ITGB2: variants seen among roughly 807,000 people sequenced by gnomAD.
The protein encoded by ITGB2 is integrin beta-2.
In ITGB2, 56 loss-of-function variants were observed where a neutral mutation model predicts 86.8. The observed-to-expected ratio is 0.65, with a 90% CI of 0.52 to 0.81. The LOEUF is 0.81. ITGB2 is among the 30% of genes least tolerant of loss of function. The pLI is 0.00. For missense variants in ITGB2, 948 were observed against 1,061.2 expected, an observed-to-expected ratio of 0.89 and a Z score of 1.48; for synonymous variants, 457 against 450.4, an observed-to-expected ratio of 1.01 and a Z score of -0.19.
intron 5 of ITGB2, among the ~76,000 whole-genome samples, chr21:44,902,312 T>C (rs1568894071): frequency 6.6e-6 from 1 of 152,270 alleles, no homozygotes; most frequent in Non-Finnish European, 1.5e-5. Flanking sequence ...TGTGTGCATG[T>C]GTGTGCACAT....
chr21:44,899,081 C>G lies in ITGB2; in HGVS notation c.979G>C (p.Val327Leu), dbSNP rs753051803. The G allele has an allele frequency of 3.7e-6, 6 of 1,613,892 alleles. No individual in the cohort carries two copies. The highest frequency in any genetic ancestry group is 4.2e-6 in the Non-Finnish European group (5 of 1,179,744). ...QPIFAVTSRM[V>L]KTYEKLTEII... ...ACAGCACTCACCTCGTAGGTCTTCA[C>G]CATCCTACTGGTCACCGCGAAGATG... The change falls in exon 8 of 16, where the codon GTG (valine) becomes CTG (leucine). Residue 327 changes from valine to leucine, a missense_variant. Val to Leu is a conservative substitution (Grantham distance 32, BLOSUM62 1). Transcript: ENST00000652462.
At chr21:44,905,293 G>C (rs980476274) in intron 4 of ITGB2, among the ~76,000 whole-genome samples, 1 of 152,036 alleles carries the variant, frequency 6.6e-6, no homozygotes, top group African/African-American at 2.4e-5. Flanking sequence ...TCTCTCCCTG[G>C]TGCTCACCCG....
chr21:44,899,254 G>A, intron 7 of ITGB2, 92 bp from the exon 8 acceptor site: 1 of 982,706 alleles, frequency 1.0e-6, no homozygotes, highest in Non-Finnish European at 1.6e-6. Context: ...CGTCAGCCCT[G>A]CCCGTGCTTC....
intron 1 of ITGB2, among the ~76,000 whole-genome samples, chr21:44,912,227 G>A (rs546075420): frequency 6.6e-6 from 1 of 152,306 alleles, no homozygotes; most frequent in African/African-American, 2.4e-5. Context: ...ACCCAAGCCA[G>A]CAGAGCCCCA....
intron 1 of ITGB2, among the ~76,000 whole-genome samples, chr21:44,914,448 C>T (rs1353226265): frequency 6.6e-6 from 1 of 152,222 alleles, no homozygotes; most frequent in Non-Finnish European, 1.5e-5. Flanking sequence ...GGGCCGGGCG[C>T]CCTTCCCTCC....
chr21:44,925,375 A>G (rs538164115), upstream of ITGB2, among the ~76,000 whole-genome samples: 61 of 143,972 alleles, frequency 4.2e-4, no homozygotes, highest in East Asian at 6.0e-3. Context: ...GTGACAGAGT[A>G]AGATCCTGTC....
At chr21:44,910,531 G>T (rs1440981741) in intron 2 of ITGB2, 159 bp from the exon 3 acceptor site, 42 of 1,484,068 alleles carry the variant, frequency 2.8e-5, no homozygotes, top group Non-Finnish European at 3.3e-5. Context: ...GCAAAGAGGG[G>T]CCCTCGGGAA....
intron 1 of ITGB2, among the ~76,000 whole-genome samples, chr21:44,913,548 G>C (rs1345470744): frequency 1.3e-5 from 2 of 152,182 alleles, no homozygotes; most frequent in Admixed American, 6.5e-5. Context: ...GAGCAGCCCT[G>C]GGGGGCTTGG....
intron 3 of ITGB2, chr21:44,908,109 A>G: frequency 1.4e-6 from 1 of 723,472 alleles, no homozygotes; most frequent in South Asian, 1.5e-5. Context: ...CCGAGGACAG[A>G]CGGGAGCCAC....
At chr21:44,906,439 A>T (rs939900847) in intron 4 of ITGB2, among the ~76,000 whole-genome samples, 2 of 152,112 alleles carry the variant, frequency 1.3e-5, no homozygotes, top group Non-Finnish European at 2.9e-5. Context: ...CAAAGCACTG[A>T]CAGGGGACTG....
At chr21:44,891,759 TGTGGGG>T (rs771307306) in intron 11 of ITGB2, 44 bp downstream of exon 11, 1 of 1,587,248 alleles carries the variant, frequency 6.3e-7, no homozygotes, top group African/African-American at 1.3e-5. Flanking sequence ...ACACCTGCCC[TGTGGGG>T]TGGGGCTCGG....
chr21:44,924,477 T>G (rs1369392851), upstream of ITGB2, among the ~76,000 whole-genome samples: 1 of 151,954 alleles, frequency 6.6e-6, no homozygotes, highest in African/African-American at 2.4e-5. Flanking sequence ...CAAATAGAAA[T>G]GCAAATTTGG....
intron 11 of ITGB2, among the ~76,000 whole-genome samples, chr21:44,891,155 G>A (rs551887610): frequency 3.3e-5 from 5 of 152,346 alleles, no homozygotes; most frequent in Admixed American, 3.3e-4. Flanking sequence ...AGCAAGGAAA[G>A]GGGGACAGCC....
At chr21:44,924,455 A>C (rs1568915128), upstream of ITGB2, among the ~76,000 whole-genome samples, 1 of 152,112 alleles carries the variant, frequency 6.6e-6, no homozygotes, top group African/African-American at 2.4e-5. Flanking sequence ...CAACAAACAA[A>C]CAAGAAAAAA....
rs146486454 is a variant in ITGB2 at position 44,901,401 on chromosome 21, G to A, written c.741+91C>T. 2,126 of 1,506,240 alleles carry A rather than the reference G, an allele frequency of 1.4e-3. 29 individuals carry two copies. The African/African-American group carries it at 0.025, about 18-fold the overall frequency. The allele number at this position is 1,506,240 out of a possible 1,614,324, so 93.3% of individuals were successfully genotyped here. A position where few individuals can be genotyped will look rare whatever the true frequency, so the allele number is the denominator to read the frequency against. ...GCTGGAGTCCCTCAGACGACCTGCC[G>A]GCCAGGGTACCCCCCTGCCCCCACA... On this transcript the variant is annotated intron_variant, in intron 6 of 15. Coordinates refer to ENST00000652462, the MANE Select transcript of ITGB2 (RefSeq NM_000211.5).
chr21:44,908,035 G>A (rs1405384850), intron 3 of ITGB2: 1 of 717,206 alleles, frequency 1.4e-6, no homozygotes, highest in African/African-American at 1.7e-5. Flanking sequence ...CTCCAGAAAG[G>A]GGAGGGAAAA....
intron 8 of ITGB2, 107 bp from the exon 9 acceptor site, chr21:44,895,167 G>C (rs911502697): frequency 1.2e-6 from 1 of 816,450 alleles, no homozygotes; most frequent in Admixed American, 1.8e-5. Flanking sequence ...TGGCTGGGAC[G>C]GTCCTCAACG....
chr21:44,918,003 C>CAA (rs1303439375), intron 1 of ITGB2, among the ~76,000 whole-genome samples: 1 of 152,232 alleles, frequency 6.6e-6, no homozygotes, highest in East Asian at 1.9e-4. Context: ...ACCACCTAAT[C>CAA]AATGCCCCGT....
At chr21:44,908,546 C>T (rs1200514280) in intron 3 of ITGB2, among the ~76,000 whole-genome samples, 1 of 152,148 alleles carries the variant, frequency 6.6e-6, no homozygotes, top group Non-Finnish European at 1.5e-5. Flanking sequence ...CACACTTGCT[C>T]TATCTATCAC....
Sources: allele counts gnomAD v4.1 joint callset (sites outside exome capture counted in the v4.1 genomes callset), GRCh38; gene constraint gnomAD v4.1.1; transcripts MANE v1.5; gene names NCBI Gene and HGNC (gene_info 2026-07-23, HGNC 2026-07-21).